ANKMY2: variants seen among roughly 807,000 people sequenced by gnomAD.
The protein encoded by ANKMY2 is ankyrin repeat and MYND domain-containing protein 2.
In ANKMY2, 36 loss-of-function variants were observed where a neutral mutation model predicts 50.4. The ratio of observed to expected loss-of-function variants is 0.71; its 90% CI spans 0.55 to 0.94. The LOEUF is 0.94. Among genes scored for constraint, ANKMY2 ranks in the 40% least tolerant of loss-of-function variants. ANKMY2 has a pLI of 0.00. For missense variants in ANKMY2, 565 were observed against 524.0 expected (o/e 1.08, Z -0.76); for synonymous variants, 187 against 178.8 (o/e 1.05, Z -0.36).
At chr7:16,609,868 T>C (rs1781219480) in intron 6 of ANKMY2, 103 bp from the exon 7 acceptor site, 1 of 1,340,486 alleles carries the variant, frequency 7.5e-7, no homozygotes, top group Non-Finnish European at 1.0e-6. Flanking sequence ...CTTATGATTT[T>C]CTTTGTCTCT....
intron 2 of ANKMY2, among the ~76,000 whole-genome samples, chr7:16,630,960 C>G (rs1201188258): frequency 6.6e-6 from 1 of 152,192 alleles, no homozygotes; most frequent in Non-Finnish European, 1.5e-5. Context: ...CCAAGTCTGT[C>G]TGCAGCCCAC....
intron 2 of ANKMY2, among the ~76,000 whole-genome samples, chr7:16,632,504 A>T (rs1781603384): frequency 6.6e-6 from 1 of 152,226 alleles, no homozygotes; most frequent in East Asian, 1.9e-4. Flanking sequence ...GAATCCTAAA[A>T]TATGCAATAT....
chr7:16,616,917 C>T (rs1466466780), intron 4 of ANKMY2, among the ~76,000 whole-genome samples: 1 of 152,202 alleles, frequency 6.6e-6, no homozygotes, highest in Non-Finnish European at 1.5e-5. Context: ...CAGCTGGACG[C>T]TGGCGCTTGA....
intron 6 of ANKMY2, 37 bp from the exon 7 acceptor site, chr7:16,609,802 T>A: frequency 6.2e-7 from 1 of 1,602,330 alleles, no homozygotes. Context: ...TGGAGTTGAA[T>A]CACTAAGCAT....
At chr7:16,614,830 A>G (rs1781314684) in intron 5 of ANKMY2, among the ~76,000 whole-genome samples, 1 of 152,228 alleles carries the variant, frequency 6.6e-6, no homozygotes, top group African/African-American at 2.4e-5. Context: ...CTGAACTACT[A>G]TCAAATCTTT....
chr7:16,636,379 C>T lies in ANKMY2; in HGVS notation c.132+12G>A. 7.1e-7 allele frequency: 1 copy of T among 1,416,724 alleles called. No homozygotes were observed. Among genetic ancestry groups the T allele is most frequent in the Non-Finnish European group, 9.4e-7 (1 of 1,060,916 alleles). 87.8% of individuals were successfully genotyped at this position (1,416,724 alleles called of 1,614,324 possible). ...GGAAGTAAAATCCTTTATTAAACTT[C>T]TAAAATCTTACCTCGTCCAAACAGT... On this transcript the variant is annotated intron_variant, in intron 2 of 9. Coordinates refer to ENST00000306999, the MANE Select transcript of ANKMY2 (RefSeq NM_020319.3).
At chr7:16,629,617 A>G (rs1021743472) in intron 2 of ANKMY2, among the ~76,000 whole-genome samples, 2 of 152,150 alleles carry the variant, frequency 1.3e-5, no homozygotes, top group African/African-American at 4.8e-5. Context: ...CATGTGTATA[A>G]TACAGTATAT....
intron 1 of ANKMY2, among the ~76,000 whole-genome samples, chr7:16,640,584 T>C (rs1255708216): frequency 6.6e-6 from 1 of 152,150 alleles, no homozygotes; most frequent in East Asian, 1.9e-4. Context: ...TGCAGTGGCA[T>C]GATCATGGCT....
At chr7:16,636,728 G>A (rs1423930895) in intron 1 of ANKMY2, among the ~76,000 whole-genome samples, 1 of 151,938 alleles carries the variant, frequency 6.6e-6, no homozygotes, top group African/African-American at 2.4e-5. Context: ...CCTTTTGGCG[G>A]TAATACAATA....
At chr7:16,624,548 T>C (rs1372209899) in intron 4 of ANKMY2, among the ~76,000 whole-genome samples, 1 of 152,220 alleles carries the variant, frequency 6.6e-6, no homozygotes, top group East Asian at 1.9e-4. Context: ...AAAGTTCAAG[T>C]CTATCACCTC....
At position 16,636,404 on chromosome 7, in the gene ANKMY2, T is replaced by C. The variant is rs768240218; in HGVS notation, c.119A>G (p.Asn40Ser). ...TLLSSKNVRV[N>S]CLDENGMTPL... ...CTAAAATCTTACCTCGTCCAAACAG[T>C]TGACACGAACATTCTTGCTGGATAA... The change falls in exon 2 of 10, where the codon AAC becomes AGC. Residue 40 changes from asparagine to serine, a missense_variant. Transcript: ENST00000306999. 2.1e-5 allele frequency: 34 copies of C among 1,602,180 alleles called. No homozygotes were observed. The South Asian group carries it at 3.7e-4, about 17-fold the overall frequency.
intron 1 of ANKMY2, among the ~76,000 whole-genome samples, chr7:16,636,957 A>G (rs1006729141): frequency 1.3e-5 from 2 of 152,232 alleles, no homozygotes; most frequent in African/African-American, 4.8e-5. Context: ...TTCAATGCCT[A>G]GTACTACATT....
intron 5 of ANKMY2, among the ~76,000 whole-genome samples, chr7:16,613,669 G>A (rs776139895): frequency 1.3e-5 from 2 of 152,054 alleles, no homozygotes; most frequent in Non-Finnish European, 2.9e-5. Context: ...TGAAGGTAGA[G>A]TATTAATAAT....
Position 16,636,866 on chromosome 7 carries a change from T to C in ANKMY2, c.68-411A>G, listed in dbSNP as rs1242024318. ...CAAAATGCAGTCAGTATTTATATAA[T>C]TTGTCAGCACCACATCTTGTGAATT... On this transcript the variant is annotated intron_variant, in intron 1 of 9. Transcript: ENST00000306999. Among the ~76,000 whole-genome samples the C allele has an allele frequency of 5.9e-5, 9 of 152,338 alleles. No individual in the cohort carries two copies. In the East Asian group the frequency reaches 1.4e-3, roughly 23 times the overall value.
At chr7:16,622,107 AAGGAGG>A (rs143046806) in intron 4 of ANKMY2, among the ~76,000 whole-genome samples, 1 of 151,666 alleles carries the variant, frequency 6.6e-6, no homozygotes, top group African/African-American at 2.4e-5. Flanking sequence ...GAAGAAGAAG[AAGGAGG>A]AGGAGGAGGA....
At chr7:16,621,939 A>T (rs6461265) in intron 4 of ANKMY2, among the ~76,000 whole-genome samples, 6,485 of 152,042 alleles carry the variant, frequency 0.043, 489 homozygotes, top group African/African-American at 0.15. Context: ...ACTGCACTCC[A>T]GCCTGGGTGA....
chr7:16,623,007 T>G (rs1174666122), intron 4 of ANKMY2, among the ~76,000 whole-genome samples: 2 of 152,076 alleles, frequency 1.3e-5, no homozygotes, highest in Admixed American at 6.5e-5. Context: ...TATCATGGAG[T>G]ATCATATAGC....
At chr7:16,627,008 G>C in intron 3 of ANKMY2, 32 bp downstream of exon 3, 1 of 1,537,566 alleles carries the variant, frequency 6.5e-7, no homozygotes, top group African/African-American at 1.4e-5. Flanking sequence ...GTTTGTATAG[G>C]TAACTTATAT....
At chr7:16,611,507 T>C (rs1272933731) in intron 5 of ANKMY2, among the ~76,000 whole-genome samples, 2 of 152,214 alleles carry the variant, frequency 1.3e-5, no homozygotes, top group East Asian at 3.8e-4. Context: ...TTGAAGTAGG[T>C]CTGCAAAGGA....
Sources: allele counts gnomAD v4.1 joint callset (sites outside exome capture counted in the v4.1 genomes callset), GRCh38; gene constraint gnomAD v4.1.1; transcripts MANE v1.5; gene names NCBI Gene and HGNC (gene_info 2026-07-23, HGNC 2026-07-21).